The following PPA2 variants were observed in gnomAD, a reference collection of about 807,000 sequenced individuals.
PPA2 encodes inorganic pyrophosphatase 2, mitochondrial.
In PPA2, 48 loss-of-function variants were observed where a neutral mutation model predicts 49.5. The ratio of observed to expected loss-of-function variants is 0.97; its 90% CI spans 0.77 to 1.23. The LOEUF is 1.23. Ranked by LOEUF, PPA2 falls within the 50% of genes most tolerant of loss-of-function variation. The pLI is 0.00. For synonymous variants in PPA2, 131 were observed against 139.9 expected, an observed-to-expected ratio of 0.94 and a Z score of 0.45; for missense variants, 429 against 410.1, an observed-to-expected ratio of 1.05 and a Z score of -0.40.
chr4:105,435,726 T>C (rs1355287096), intron 6 of PPA2, among the ~76,000 whole-genome samples: 1 of 152,150 alleles, frequency 6.6e-6, no homozygotes, highest in Admixed American at 6.5e-5. Flanking sequence ...TCTCAATAGA[T>C]ACAGAAAAAG....
chr4:105,452,884 T>A (rs1255722303), intron 3 of PPA2, among the ~76,000 whole-genome samples: 1 of 151,896 alleles, frequency 6.6e-6, no homozygotes, highest in African/African-American at 2.4e-5. Context: ...AATATATATA[T>A]TTAGAATATA....
chr4:105,371,414 C>T (rs1279014547), intron 10 of PPA2, among the ~76,000 whole-genome samples: 1 of 152,038 alleles, frequency 6.6e-6, no homozygotes, highest in Non-Finnish European at 1.5e-5. Context: ...TTTAGCACTC[C>T]ATTGGAAGAT....
chr4:105,376,254 G>A (rs1463635051), intron 10 of PPA2, among the ~76,000 whole-genome samples: 1 of 152,208 alleles, frequency 6.6e-6, no homozygotes, highest in African/African-American at 2.4e-5. Context: ...TTGGCCTCCT[G>A]AATGCACTGC....
chr4:105,392,964 TA>T (rs1385132397), intron 9 of PPA2, among the ~76,000 whole-genome samples: 1 of 152,060 alleles, frequency 6.6e-6, no homozygotes, highest in Non-Finnish European at 1.5e-5. Context: ...GAAGACGAAG[TA>T]AAAATTAAAT....
At chr4:105,419,338 T>C (rs1478929707) in intron 7 of PPA2, among the ~76,000 whole-genome samples, 2 of 152,098 alleles carry the variant, frequency 1.3e-5, no homozygotes, top group Admixed American at 1.3e-4. Context: ...CCCCGGTGTG[T>C]GATGTTCCCC....
At chr4:105,463,983 A>G (rs1006098835) in intron 1 of PPA2, among the ~76,000 whole-genome samples, 3 of 152,162 alleles carry the variant, frequency 2.0e-5, no homozygotes, top group South Asian at 2.1e-4. Context: ...CAGAGTCCCT[A>G]TTGGGGCACT....
chr4:105,399,819 C>T (rs1734287964), intron 7 of PPA2, among the ~76,000 whole-genome samples: 2 of 152,206 alleles, frequency 1.3e-5, no homozygotes, highest in South Asian at 4.2e-4. Flanking sequence ...GTTTCAGTTA[C>T]CTACAGTCAA....
At chr4:105,395,086 A>C (rs1734080891) in intron 9 of PPA2, among the ~76,000 whole-genome samples, 1 of 152,134 alleles carries the variant, frequency 6.6e-6, no homozygotes, top group Non-Finnish European at 1.5e-5. Flanking sequence ...GCTTAAAAAA[A>C]AAAGAGTGCT....
At chr4:105,468,824 G>A (rs1406312165) in intron 1 of PPA2, among the ~76,000 whole-genome samples, 3 of 152,136 alleles carry the variant, frequency 2.0e-5, no homozygotes, top group African/African-American at 7.2e-5. Flanking sequence ...GGAAACATTT[G>A]TGTACTATTT....
intron 9 of PPA2, among the ~76,000 whole-genome samples, chr4:105,389,481 C>G (rs1013395733): frequency 6.6e-6 from 1 of 150,426 alleles, no homozygotes; most frequent in Non-Finnish European, 1.5e-5. Context: ...GAATGCACTG[C>G]TTTCCTTTTT....
intron 7 of PPA2, among the ~76,000 whole-genome samples, chr4:105,404,895 C>T (rs1028523067): frequency 6.6e-6 from 1 of 152,086 alleles, no homozygotes; most frequent in African/African-American, 2.4e-5. Context: ...TCCTGGCTAA[C>T]ATGGTGAAAC....
chr4:105,386,444 T>C (rs1331180956), intron 10 of PPA2, 123 bp downstream of exon 10: 2 of 701,958 alleles, frequency 2.8e-6, no homozygotes, highest in Non-Finnish European at 4.5e-6. Context: ...TTCAAGGTGA[T>C]CTGTAAACTT....
intron 1 of PPA2, among the ~76,000 whole-genome samples, chr4:105,461,298 T>C (rs1046604267): frequency 3.3e-5 from 5 of 152,250 alleles, no homozygotes; most frequent in African/African-American, 9.6e-5. Context: ...GGTGTTAGCA[T>C]GATCTGAGGG....
chr4:105,403,231 T>C (rs1722306468), intron 7 of PPA2, among the ~76,000 whole-genome samples: 1 of 152,114 alleles, frequency 6.6e-6, no homozygotes, highest in Non-Finnish European at 1.5e-5. Context: ...TTGCTTTGTT[T>C]TGTTTTAGTT....
chr4:105,424,224 C>T lies in PPA2; in HGVS notation c.627G>A (p.Ala209=), dbSNP rs189755896. The change falls in exon 7 of 12, where the codon GCG becomes GCA. Residue 209 remains alanine, a synonymous_variant. Coordinates refer to ENST00000341695, the MANE Select transcript of PPA2 (RefSeq NM_176869.3). Reference sequence around the variant, plus strand: ...GAAACTTTGAGGCTTCAGGATCATTCGCATTGATAGCAATTAATTTCCAAT... The same window carrying T: ...GAAACTTTGAGGCTTCAGGATCATTTGCATTGATAGCAATTAATTTCCAAT... The part of the protein sequence containing the change: ...ETDWKLIAIN[A]NDPEASKFHD... 2.2e-4 allele frequency: 361 copies of T among 1,608,274 alleles called. 2 individuals carry two copies. The East Asian group carries it at 7.1e-3, about 31-fold the overall frequency.
intron 6 of PPA2, among the ~76,000 whole-genome samples, chr4:105,428,437 G>A (rs1350891221): frequency 6.6e-6 from 1 of 151,938 alleles, no homozygotes; most frequent in East Asian, 1.9e-4. Flanking sequence ...CCATCAGTGT[G>A]CTGTATTCAG....
At chr4:105,373,117 G>T (rs1220806023) in intron 10 of PPA2, among the ~76,000 whole-genome samples, 1 of 141,126 alleles carries the variant, frequency 7.1e-6, no homozygotes, top group African/African-American at 2.6e-5. Context: ...AGGATAACAG[G>T]CATGAGCACC....
At chr4:105,435,736 G>C (rs1291909567) in intron 6 of PPA2, among the ~76,000 whole-genome samples, 2 of 152,052 alleles carry the variant, frequency 1.3e-5, no homozygotes, top group African/African-American at 4.8e-5. Flanking sequence ...TACAGAAAAA[G>C]CACGTGATAA....
chr4:105,390,934 C>T (rs1733890689), intron 9 of PPA2, among the ~76,000 whole-genome samples: 1 of 152,092 alleles, frequency 6.6e-6, no homozygotes, highest in South Asian at 2.1e-4. Flanking sequence ...CAGAACCAAC[C>T]CAAATGCCCA....
Sources: gnomAD v4.1 joint callset for allele counts (sites outside exome capture counted in the v4.1 genomes callset) on GRCh38, gnomAD v4.1.1 for gene constraint, MANE v1.5 for transcripts, NCBI Gene and HGNC (gene_info 2026-07-23, HGNC 2026-07-21) for gene names.